Variants in CTDP1 observed in about 807,000 individuals in gnomAD.
The protein encoded by CTDP1 is CTD phosphatase 1, also known as RNA polymerase II subunit A C-terminal domain phosphatase.
Under a neutral mutation model 91.8 loss-of-function variants are expected in CTDP1, and 47 were observed. That is an observed-to-expected ratio of 0.51 (90% CI 0.41 to 0.65). CTDP1 has a LOEUF of 0.65. Among genes scored for constraint, CTDP1 ranks in the 30% least tolerant of loss-of-function variants. The pLI is 0.00. For missense variants in CTDP1, 1,272 were observed against 1,373.7 expected, an observed-to-expected ratio of 0.93 and a Z score of 1.17; for synonymous variants, 656 against 598.5, an observed-to-expected ratio of 1.10 and a Z score of -1.40.
chr18:79,728,834 G>C, intron 10 of CTDP1, 73 bp from the exon 11 acceptor site: 1 of 1,482,538 alleles, frequency 6.7e-7, no homozygotes, highest in Non-Finnish European at 9.2e-7. Flanking sequence ...CGAGAGCCAG[G>C]AGTCTGATTC....
rs940793186 is a variant in CTDP1 at position 79,754,235 on chromosome 18, G to A, written c.*445G>A. On this transcript the variant is annotated 3_prime_UTR_variant, in exon 13 of 13. Coordinates refer to ENST00000613122, the MANE Select transcript of CTDP1 (RefSeq NM_004715.5). The stretch of plus-strand genomic sequence containing the variant: ...CACAGACATGCCTGGAACCCCCGCC[G>A]CCTGCTGCTCCCTCCTAGGGAACCC... The A allele has an allele frequency of 1.2e-5, 3 of 243,004 alleles. No homozygotes were observed. The East Asian group carries it at 3.3e-4, about 27-fold the overall frequency. 15.1% of individuals were successfully genotyped at this position (243,004 alleles called of 1,614,324 possible).
rs769938798 is a variant in CTDP1, at chr18:79,714,750, G to A, written c.1290G>A (p.Ala430=). The change falls in exon 8 of 13, where the codon GCG becomes GCA. Residue 430 remains alanine, a synonymous_variant. Coordinates refer to ENST00000613122, the MANE Select transcript of CTDP1 (RefSeq NM_004715.5). ...AGAPEPQGSC[A]QGGRVAPGQR... ...CTCCTGAGCCCCAGGGATCCTGTGCGCAGGGTGGCCGGGTGGCACCGGGAC... is the reference window on the plus strand; with the variant it reads ...CTCCTGAGCCCCAGGGATCCTGTGCACAGGGTGGCCGGGTGGCACCGGGAC... The A allele has an allele frequency of 3.3e-5, 53 of 1,601,210 alleles. No homozygotes were observed. Among genetic ancestry groups the A allele is most frequent in the East Asian group, 4.5e-5 (2 of 44,456 alleles).
intron 12 of CTDP1, 36 bp downstream of exon 12, chr18:79,736,557 C>A (rs887517165): frequency 1.3e-6 from 2 of 1,503,642 alleles, no homozygotes; most frequent in Admixed American, 2.2e-5. Flanking sequence ...GGGCCTGACA[C>A]GGGCTCCCGG....
chr18:79,750,668 CTTTTTTTT>C (rs749153854), intron 12 of CTDP1, among the ~76,000 whole-genome samples: 36 of 94,230 alleles, frequency 3.8e-4, no homozygotes, highest in African/African-American at 1.5e-3. Context: ...TAATTTTTTG[CTTTTTTTT>C]TTTTTTTTTT....
intron 12 of CTDP1, among the ~76,000 whole-genome samples, chr18:79,746,289 TTC>T (rs2086878425): frequency 2.0e-5 from 2 of 99,676 alleles, no homozygotes; most frequent in Non-Finnish European, 4.3e-5. Flanking sequence ...CCCGTGCGCG[TTC>T]TGTCCCTGCG....
chr18:79,685,803 C>T (rs1270904971), intron 1 of CTDP1, among the ~76,000 whole-genome samples: 1 of 152,176 alleles, frequency 6.6e-6, no homozygotes, highest in African/African-American at 2.4e-5. Context: ...GAAATAAGGA[C>T]ATTTCGTTTT....
intron 10 of CTDP1, among the ~76,000 whole-genome samples, chr18:79,718,583 A>G (rs886500361): frequency 7.2e-5 from 11 of 152,006 alleles, no homozygotes; most frequent in Non-Finnish European, 1.5e-4. Context: ...GCCCTGAGGG[A>G]TGCTTCCTGA....
At chr18:79,750,127 A>G (rs2086966996) in intron 12 of CTDP1, 1 of 152,220 alleles carries the variant, frequency 6.6e-6, no homozygotes, top group Non-Finnish European at 1.5e-5. Flanking sequence ...GCACGGGCAC[A>G]AGATCTGCAG....
At chr18:79,686,652 C>T (rs1361700129) in intron 1 of CTDP1, among the ~76,000 whole-genome samples, 1 of 152,244 alleles carries the variant, frequency 6.6e-6, no homozygotes, top group Non-Finnish European at 1.5e-5. Flanking sequence ...AATTTCCCTA[C>T]GGTGCTTTAA....
rs139570493 is a variant in CTDP1, at chr18:79,717,824, C to G, written c.2225C>G (p.Ala742Gly). Reference protein sequence around the residue: ...HTKAQRENSPAAFPDREGVPP... With the variant: ...HTKAQRENSPGAFPDREGVPP... ...TCCTCCGACAGGGAGAACAGCCCTG[C>G]GGCCTTTCCCGACCGGGAGGGTGTG... Residue 742 changes from alanine to glycine, a missense_variant, in exon 10 of 13, where the codon GCG (alanine) becomes GGG (glycine). By Grantham distance (60) the Ala-to-Gly change is moderately conservative. This residue lies in a region of CTDP1 where 881 missense variants were observed against 911.6 expected (regional missense o/e 0.97). Coordinates refer to ENST00000613122, the MANE Select transcript of CTDP1 (RefSeq NM_004715.5). 2.5e-6 allele frequency: 4 copies of G among 1,613,586 alleles called. No individual in the cohort carries two copies. The African/African-American group carries it at 5.3e-5, about 22-fold the overall frequency.
chr18:79,704,977 T>G (rs1037999754), intron 5 of CTDP1, 60 bp downstream of exon 5: 1 of 1,605,226 alleles, frequency 6.2e-7, no homozygotes, highest in African/African-American at 1.3e-5. Flanking sequence ...CTGTTTTCGG[T>G]GATGGTTTCT....
At chr18:79,709,843 A>C (rs1398376396) in intron 5 of CTDP1, among the ~76,000 whole-genome samples, 1 of 152,210 alleles carries the variant, frequency 6.6e-6, no homozygotes, top group Non-Finnish European at 1.5e-5. Context: ...AACTTGGGAG[A>C]AGCAAACTTC....
At chr18:79,680,878 G>A (rs2085349785) in intron 1 of CTDP1, 1 of 152,288 alleles carries the variant, frequency 6.6e-6, no homozygotes, top group Non-Finnish European at 1.5e-5. Flanking sequence ...CCCAGAAGGG[G>A]ATATGTTTCC....
chr18:79,683,724 G>A (rs747547608), intron 1 of CTDP1, among the ~76,000 whole-genome samples: 10 of 152,234 alleles, frequency 6.6e-5, no homozygotes, highest in East Asian at 3.9e-4. Context: ...GGTTGCCTGC[G>A]TGCCCTGGTG....
intron 1 of CTDP1, among the ~76,000 whole-genome samples, chr18:79,687,598 C>G (rs374182785): frequency 1.2e-4 from 17 of 142,476 alleles, no homozygotes; most frequent in South Asian, 7.0e-4. Context: ...GCCTGCACCG[C>G]AGCAGTTGGC....
chr18:79,682,042 T>G (rs2085381598), intron 1 of CTDP1, among the ~76,000 whole-genome samples: 1 of 152,216 alleles, frequency 6.6e-6, no homozygotes, highest in Non-Finnish European at 1.5e-5. Context: ...GGCTTTAGTC[T>G]AAAGCCCTGT....
intron 12 of CTDP1, among the ~76,000 whole-genome samples, chr18:79,745,102 TAGG>T (rs2086853127): frequency 2.0e-5 from 3 of 152,136 alleles, no homozygotes; most frequent in Admixed American, 1.3e-4. Flanking sequence ...CTCCTGGGAT[TAGG>T]AGGTGTCCCC....
At chr18:79,702,720 C>A (rs576963232) in intron 4 of CTDP1, 2 of 152,280 alleles carry the variant, frequency 1.3e-5, no homozygotes, top group African/African-American at 4.8e-5. Context: ...GTACATTGTT[C>A]TTTTAGATAT....
chr18:79,716,734 C>T (rs763341195), intron 8 of CTDP1, among the ~76,000 whole-genome samples: 1 of 152,252 alleles, frequency 6.6e-6, no homozygotes, highest in Non-Finnish European at 1.5e-5. Flanking sequence ...AGCTCCTGGC[C>T]CTTCTCTCGC....
Sources: allele counts gnomAD v4.1 joint callset (sites outside exome capture counted in the v4.1 genomes callset), GRCh38; gene constraint gnomAD v4.1.1; regional missense constraint gnomAD v4.1.1; transcripts MANE v1.5; gene names NCBI Gene and HGNC (gene_info 2026-07-23, HGNC 2026-07-21).